PCNT: variants seen among roughly 807,000 people sequenced by gnomAD.
The protein encoded by PCNT is kendrin.
In PCNT, 319 loss-of-function variants were observed where a neutral mutation model predicts 380.4. That is an observed-to-expected ratio of 0.84 (90% CI 0.77 to 0.92). PCNT has a LOEUF of 0.92. Among genes scored for constraint, PCNT ranks in the 40% least tolerant of loss-of-function variants. PCNT has a pLI of 0.00. For synonymous variants in PCNT, 1,845 were observed against 1,735.2 expected, an observed-to-expected ratio of 1.06 and a Z score of -1.57; for missense variants, 4,400 against 4,255.3, an observed-to-expected ratio of 1.03 and a Z score of -0.95.
chr21:46,404,840 C>T (rs1189041516), intron 27 of PCNT, among the ~76,000 whole-genome samples: 1 of 152,030 alleles, frequency 6.6e-6, no homozygotes, highest in Non-Finnish European at 1.5e-5. Context: ...GAGACTGAGG[C>T]AGGAGAATCA....
rs113591604 is a variant in PCNT, at chr21:46,443,816, G to A, written c.9707G>A (p.Arg3236Gln). The change falls in exon 45 of 47, where the codon CGA (arginine) becomes CAA (glutamine). Residue 3236 changes from arginine to glutamine, a missense_variant. Physicochemically the swap from Arg to Gln is conservative, Grantham distance 43. Transcript: ENST00000359568. ...TTAAATAATTCTGGGGAAGGGCCCC[G>A]AGCACGACAGCCGCAGTCTCCACCC... is the stretch of plus-strand genomic sequence containing the variant. ...AQGKAPRPGP[R>Q]ARQPQSPPRT... 3.7e-3 allele frequency: 5,892 copies of A among 1,613,720 alleles called. 10 individuals carry two copies. Among genetic ancestry groups the A allele is most frequent in the Non-Finnish European group, 4.6e-3 (5,443 of 1,179,984 alleles).
At chr21:46,404,881 G>A (rs2086578441) in intron 27 of PCNT, among the ~76,000 whole-genome samples, 1 of 152,122 alleles carries the variant, frequency 6.6e-6, no homozygotes, top group African/African-American at 2.4e-5. Context: ...GATGCAGTGA[G>A]CTGTGATTGT....
chr21:46,356,223 G>A (rs1203175521), intron 12 of PCNT, among the ~76,000 whole-genome samples: 1 of 152,236 alleles, frequency 6.6e-6, no homozygotes, highest in Non-Finnish European at 1.5e-5. Flanking sequence ...TCCATGGTGG[G>A]GGTGAGGGGC....
At chr21:46,438,852 T>C (rs1235800593) in intron 41 of PCNT, among the ~76,000 whole-genome samples, 1 of 151,880 alleles carries the variant, frequency 6.6e-6, no homozygotes, top group Non-Finnish European at 1.5e-5. Context: ...TTTATATTTT[T>C]AGTAGAGATG....
chr21:46,425,359 C>T lies in PCNT; in HGVS notation c.7180-472C>T, dbSNP rs946231517. On this transcript the variant is annotated intron_variant, in intron 32 of 46. Transcript: ENST00000359568. This position sits in a 1 kb window ranked among gnomAD's most constrained non-coding sequence, Gnocchi z 4.2. ...GGCAGCTTCACCCCACGCTGGTGGTCGGCACTGGCCTCAGCCGGACCACGC... is the reference window on the plus strand; with the variant it reads ...GGCAGCTTCACCCCACGCTGGTGGTTGGCACTGGCCTCAGCCGGACCACGC... Among the ~76,000 whole-genome samples the T allele has an allele frequency of 3.9e-5, 6 of 152,230 alleles. No homozygotes were observed. The highest frequency in any genetic ancestry group is 2.1e-4 in the South Asian group (1 of 4,830).
Position 46,429,994 on chromosome 21 carries a change from C to G in PCNT, c.7691-16C>G, listed in dbSNP as rs374253000. Reference sequence around the variant, plus strand: ...GAGCTCATGGGGGCCTGTTACTGTTCTTTTGTCTTTCTCAGTTGAACTGCT... The same window carrying G: ...GAGCTCATGGGGGCCTGTTACTGTTGTTTTGTCTTTCTCAGTTGAACTGCT... On this transcript the variant is annotated splice_polypyrimidine_tract_variant and intron_variant, in intron 35 of 46. Transcript: ENST00000359568. 6.8e-6 allele frequency: 11 copies of G among 1,610,758 alleles called. No individual in the cohort carries two copies. Among genetic ancestry groups the G allele is most frequent in the East Asian group, 2.2e-5 (1 of 44,876 alleles).
Position 46,363,950 on chromosome 21 carries a change from C to T in PCNT, c.2609+16C>T, listed in dbSNP as rs762049505. On this transcript the variant is annotated intron_variant, in intron 14 of 46. Transcript: ENST00000359568. ...CCCGGAGCAGGTGGGTTTGCAGTGA[C>T]GCCATCTGCAGTCCCTGTGAGGCCA... The T allele has an allele frequency of 3.4e-5, 54 of 1,598,832 alleles. No homozygotes were observed. In the Admixed American group the frequency reaches 3.5e-4, roughly 10 times the overall value.
At chr21:46,389,782 A>G (rs1193912154) in intron 19 of PCNT, among the ~76,000 whole-genome samples, 1 of 152,250 alleles carries the variant, frequency 6.6e-6, no homozygotes, top group Non-Finnish European at 1.5e-5. Context: ...CACGGAAAGC[A>G]ATCAAAGATC....
At chr21:46,430,935 G>C in intron 37 of PCNT, 1 of 985,166 alleles carries the variant, frequency 1.0e-6, no homozygotes, top group Non-Finnish European at 1.2e-6. Context: ...GATGGACACA[G>C]CCTCCTCGCT....
At chr21:46,430,894 C>CG (rs1426350268) in intron 37 of PCNT, 5 of 946,104 alleles carry the variant, frequency 5.3e-6, no homozygotes, top group Non-Finnish European at 6.2e-6. Context: ...CTGCTCGGAG[C>CG]CCCCCCCCGT....
At chr21:46,444,046 C>A in intron 45 of PCNT, 98 bp downstream of exon 45, 1 of 1,305,328 alleles carries the variant, frequency 7.7e-7, no homozygotes, top group Non-Finnish European at 1.0e-6. Flanking sequence ...GGCTTTGGCC[C>A]AGCCCAGGGC....
intron 3 of PCNT, among the ~76,000 whole-genome samples, chr21:46,336,654 T>C (rs1164098935): frequency 6.6e-6 from 1 of 152,048 alleles, no homozygotes; most frequent in African/African-American, 2.4e-5. Flanking sequence ...TAGATTATGG[T>C]GTTGAGACCA....
intron 2 of PCNT, among the ~76,000 whole-genome samples, chr21:46,326,904 T>G (rs914620167): frequency 1.3e-5 from 2 of 151,252 alleles, no homozygotes; most frequent in Non-Finnish European, 2.9e-5. Flanking sequence ...TCCCAGCTAC[T>G]CGGGAGGTTG....
At chr21:46,337,643 C>T (rs141167350) in intron 3 of PCNT, among the ~76,000 whole-genome samples, 7 of 152,290 alleles carry the variant, frequency 4.6e-5, no homozygotes, top group East Asian at 1.9e-4. Flanking sequence ...AGTGCAGTGG[C>T]GCGATCTCGG....
At chr21:46,359,442 C>T (rs1392950350) in intron 13 of PCNT, among the ~76,000 whole-genome samples, 3 of 131,140 alleles carry the variant, frequency 2.3e-5, no homozygotes. Flanking sequence ...AAAATTCACC[C>T]TTTTCTGTCT....
chr21:46,393,890 C>CA (rs2086120243), intron 21 of PCNT, among the ~76,000 whole-genome samples: 1 of 152,202 alleles, frequency 6.6e-6, no homozygotes. Flanking sequence ...GGGCTCCCTG[C>CA]AGGCCCCAGG....
Position 46,398,093 on chromosome 21 carries a change from C to T in PCNT, c.4526C>T (p.Ala1509Val), listed in dbSNP as rs777616514. ...IQRLEGQLRQAAKPQPWGPRD... is the reference protein window; with the variant it reads ...IQRLEGQLRQVAKPQPWGPRD... ...AGGCTGGAGGGGCAGCTCCGCCAGG[C>T]GGCCAAGCCGCAGCCCTGGGGCCCT... Residue 1509 changes from alanine to valine, a missense_variant, in exon 23 of 47, where the codon GCG (alanine) becomes GTG (valine). Physicochemically the swap from Ala to Val is moderately conservative, Grantham distance 64. Transcript: ENST00000359568. The T allele has an allele frequency of 1.4e-5, 22 of 1,598,318 alleles. No homozygotes were observed. The highest frequency in any genetic ancestry group is 1.1e-4 in the East Asian group (5 of 44,194).
At chr21:46,420,447 CT>C (rs2087204601) in intron 31 of PCNT, 1 of 152,250 alleles carries the variant, frequency 6.6e-6, no homozygotes, top group African/African-American at 2.4e-5. Flanking sequence ...CTTATCCTAA[CT>C]GTTCCTCTCT....
chr21:46,401,910 G>T (rs1349920616), intron 26 of PCNT, among the ~76,000 whole-genome samples, 189 bp downstream of exon 26: 1 of 152,198 alleles, frequency 6.6e-6, no homozygotes, highest in East Asian at 1.9e-4. Flanking sequence ...GAGTGCAATG[G>T]TGCAGTCTCG....
Sources: allele counts gnomAD v4.1 joint callset (sites outside exome capture counted in the v4.1 genomes callset), GRCh38; gene constraint gnomAD v4.1.1; non-coding constraint Gnocchi (gnomAD v3.1); transcripts MANE v1.5; gene names NCBI Gene and HGNC (gene_info 2026-07-23, HGNC 2026-07-21).